The following ANKS1B variants were observed in gnomAD, a reference collection of about 807,000 sequenced individuals.
The protein encoded by ANKS1B is ankyrin repeat and sterile alpha motif domain-containing protein 1B.
Under a neutral mutation model 148.3 loss-of-function variants are expected in ANKS1B, and 36 were observed. The ratio of observed to expected loss-of-function variants is 0.24; its 90% CI spans 0.19 to 0.32. The LOEUF (loss-of-function observed/expected upper bound fraction) is 0.32. Among genes scored for constraint, ANKS1B ranks in the 10% least tolerant of loss-of-function variants. The pLI is 1.00. For synonymous variants in ANKS1B, 542 were observed against 560.8 expected, an observed-to-expected ratio of 0.97 and a Z score of 0.47; for missense variants, 1,157 against 1,542.6, an observed-to-expected ratio of 0.75 and a Z score of 4.19.
chr12:99,384,133 A>G (rs564150097), intron 12 of ANKS1B, among the ~76,000 whole-genome samples: 5 of 152,210 alleles, frequency 3.3e-5, no homozygotes, highest in Non-Finnish European at 7.3e-5. Context: ...TATTATCTGT[A>G]TATAGTAATG....
intron 9 of ANKS1B, among the ~76,000 whole-genome samples, chr12:99,519,642 G>T (rs1003960272): frequency 4.0e-5 from 6 of 151,798 alleles, no homozygotes; most frequent in African/African-American, 1.2e-4. Context: ...TTTCTTGCAG[G>T]CACAGATCAT....
chr12:98,837,399 T>C (rs1473378823), intron 17 of ANKS1B, among the ~76,000 whole-genome samples: 3 of 152,024 alleles, frequency 2.0e-5, no homozygotes, highest in African/African-American at 7.2e-5. Context: ...CTTAATGGTT[T>C]TTATTACAAC....
intron 1 of ANKS1B, among the ~76,000 whole-genome samples, chr12:99,897,289 A>G (rs2093418992): frequency 6.6e-6 from 1 of 151,272 alleles, no homozygotes; most frequent in Non-Finnish European, 1.5e-5. Flanking sequence ...TTTCAAAATT[A>G]TATTCAAAAT....
intron 1 of ANKS1B, among the ~76,000 whole-genome samples, chr12:99,893,163 C>G (rs1025598149): frequency 6.6e-6 from 1 of 152,094 alleles, no homozygotes; most frequent in Admixed American, 6.5e-5. Context: ...GTAATCCTAG[C>G]ACTTTGGGAG....
chr12:99,654,023 T>G (rs2098438346), intron 9 of ANKS1B, among the ~76,000 whole-genome samples: 1 of 152,170 alleles, frequency 6.6e-6, no homozygotes, highest in Non-Finnish European at 1.5e-5. Flanking sequence ...ATCAAAAGGT[T>G]GAATCTCTAC....
intron 17 of ANKS1B, among the ~76,000 whole-genome samples, chr12:98,842,116 G>A (rs1416815144): frequency 6.6e-6 from 1 of 152,136 alleles, no homozygotes; most frequent in Non-Finnish European, 1.5e-5. Flanking sequence ...ATAAAGATGT[G>A]TACATGAATG....
chr12:98,809,252 G>A (rs2099075299), intron 19 of ANKS1B, among the ~76,000 whole-genome samples: 1 of 152,082 alleles, frequency 6.6e-6, no homozygotes, highest in Admixed American at 6.6e-5. Context: ...ATCCATAGAG[G>A]GTTCTTCCTC....
intron 12 of ANKS1B, among the ~76,000 whole-genome samples, chr12:99,333,510 C>T (rs1041234449): frequency 1.3e-5 from 2 of 151,196 alleles, no homozygotes; most frequent in Non-Finnish European, 2.9e-5. Flanking sequence ...GTGAGATACT[C>T]TTAACGTTCT....
At chr12:98,747,428 G>A (rs753485578) in intron 26 of ANKS1B, among the ~76,000 whole-genome samples, 1 of 152,102 alleles carries the variant, frequency 6.6e-6, no homozygotes, top group Non-Finnish European at 1.5e-5. Flanking sequence ...ACTATTGAAT[G>A]GCTAGTATCA....
chr12:99,583,569 CTT>C (rs1445200467), intron 9 of ANKS1B, among the ~76,000 whole-genome samples: 1 of 152,046 alleles, frequency 6.6e-6, no homozygotes, highest in African/African-American at 2.4e-5. Flanking sequence ...TAATAAATGA[CTT>C]TTTAGATCAA....
Position 98,869,088 on chromosome 12 carries a change from T to C in ANKS1B, c.2779-36952A>G, listed in dbSNP as rs369223039. On this transcript the variant is annotated intron_variant, in intron 17 of 26. Coordinates refer to ENST00000683438, the MANE Select transcript of ANKS1B (RefSeq NM_001352186.2). ...ACACTCCATGTGTCCCATGGTAGCT[T>C]GTTCTTTGGCCAAGTAGCCCTTGCA... Among the ~76,000 whole-genome samples, 77 of 152,282 alleles carry C rather than the reference T, an allele frequency of 5.1e-4. 1 individual carries two copies. The South Asian group carries it at 0.01, about 21-fold the overall frequency.
intron 8 of ANKS1B, among the ~76,000 whole-genome samples, chr12:99,721,271 G>A (rs150903698): frequency 6.6e-5 from 10 of 152,048 alleles, no homozygotes; most frequent in East Asian, 5.8e-4. Flanking sequence ...AATTTTCGTC[G>A]TCCCAACACT....
chr12:99,551,520 A>AAGGAGAGGAGAGGGGAGGGG (rs2097217434), intron 9 of ANKS1B, among the ~76,000 whole-genome samples: 1 of 100,188 alleles, frequency 1.0e-5, no homozygotes, highest in Non-Finnish European at 1.9e-5. Context: ...GTTGGAAGGA[A>AAGGAGAGGAGAGGGGAGGGG]AGGAGAGGAG....
chr12:99,095,575 C>T (rs543440496), intron 15 of ANKS1B, among the ~76,000 whole-genome samples: 2 of 152,148 alleles, frequency 1.3e-5, no homozygotes, highest in Non-Finnish European at 2.9e-5. Context: ...GCATAAAAAA[C>T]GTTATTTAAA....
At chr12:99,559,249 G>T (rs972396130) in intron 9 of ANKS1B, among the ~76,000 whole-genome samples, 5 of 152,048 alleles carry the variant, frequency 3.3e-5, no homozygotes, top group African/African-American at 1.2e-4. Context: ...ATCAGAAATT[G>T]CCATTTTAAA....
In ANKS1B at chr12:99,330,751, T is replaced by C. The variant is rs77161361; in HGVS notation, c.1756+68880A>G. ...GGTCTTTCATGCTTCAAGGAGCTAA[T>C]AGAACCTAATGCTTCCTTTGAAATC... On this transcript the variant is annotated intron_variant, in intron 12 of 26. Transcript: ENST00000683438. Among the ~76,000 whole-genome samples, 703 of 152,118 alleles carry C rather than the reference T, an allele frequency of 4.6e-3. 4 individuals carry two copies. The highest frequency in any genetic ancestry group is 0.016 in the African/African-American group (659 of 41,544).
At chr12:98,838,398 G>C (rs2099387394) in intron 17 of ANKS1B, among the ~76,000 whole-genome samples, 1 of 152,184 alleles carries the variant, frequency 6.6e-6, no homozygotes, top group Non-Finnish European at 1.5e-5. Context: ...TTTATTGCCG[G>C]CTGGACCAAC....
In ANKS1B at chr12:98,736,874, G is replaced by C. The variant is rs111455173; in HGVS notation, c.691-1240C>G. 1.2e-3 allele frequency among the ~76,000 whole-genome samples: 179 copies of C among 152,250 alleles called. 1 individual carries two copies. The highest frequency in any genetic ancestry group is 4.1e-3 in the African/African-American group (171 of 41,532). On this transcript the variant is annotated intron_variant, in intron 9 of 9. Coordinates refer to the ANKS1B transcript ENST00000341752. The stretch of plus-strand genomic sequence containing the variant: ...CCCACCTATCTATCCTGTACTCCTT[G>C]AGCATCTGCATGCCAAGCACTGTTT...
At chr12:98,795,526 C>T in intron 22 of ANKS1B, 2 of 395,216 alleles carry the variant, frequency 5.1e-6, no homozygotes, top group South Asian at 3.8e-5. Context: ...TCTAGCCTAG[C>T]AATGATCTAG....
Sources: gnomAD v4.1 joint callset for allele counts (sites outside exome capture counted in the v4.1 genomes callset) on GRCh38, gnomAD v4.1.1 for gene constraint, MANE v1.5 for transcripts, NCBI Gene and HGNC (gene_info 2026-07-23, HGNC 2026-07-21) for gene names.